ZNF516: variants seen among roughly 807,000 people sequenced by gnomAD.
The protein encoded by ZNF516 is zinc finger protein 516.
A neutral mutation model predicts 79.7 loss-of-function variants in ZNF516; 19 were observed. That is an observed-to-expected ratio of 0.24 (90% CI 0.17 to 0.35). The LOEUF is 0.35. ZNF516 is among the 10% of genes least tolerant of loss of function. The pLI, the probability that ZNF516 is intolerant of heterozygous loss-of-function variation, is 1.00. For missense variants in ZNF516, 1,678 were observed against 1,679.5 expected, an observed-to-expected ratio of 1.00 and a Z score of 0.02; for synonymous variants, 877 against 739.5, an observed-to-expected ratio of 1.19 and a Z score of -3.02.
At chr18:76,495,286 G>A (rs1915437241), upstream of ZNF516, 1 of 144,730 alleles carries the variant, frequency 6.9e-6, no homozygotes, top group Non-Finnish European at 1.5e-5. Context: ...GGACGCGCGA[G>A]GGCGCGCGGG....
intron 3 of ZNF516, among the ~76,000 whole-genome samples, chr18:76,432,918 C>T (rs146268967): frequency 6.6e-6 from 1 of 152,352 alleles, no homozygotes; most frequent in African/African-American, 2.4e-5. Context: ...GGCTCTAACA[C>T]GAGGCGTGTA....
At chr18:76,489,691 G>A (rs922374822) in intron 1 of ZNF516, among the ~76,000 whole-genome samples, 14 of 152,044 alleles carry the variant, frequency 9.2e-5, no homozygotes, top group Admixed American at 2.0e-4. Context: ...AGATAACAAT[G>A]GGAAAACATT....
chr18:76,422,765 G>A (rs975856733), intron 3 of ZNF516, among the ~76,000 whole-genome samples: 1 of 152,066 alleles, frequency 6.6e-6, no homozygotes, highest in South Asian at 2.1e-4. Flanking sequence ...TGGAGGATAG[G>A]ACAAGCAGAA....
In ZNF516 at chr18:76,441,914, G is replaced by T; in HGVS notation, c.1141C>A (p.Gln381Lys). ...EGAEGPSDTK[Q>K]FFLQCLNLRP... ...AGGTTCAGGCACTGGAGGAAGAACTGCTTGGTGTCCGAGGGCCCCTCCGCC... is the reference window on the plus strand; with the variant it reads ...AGGTTCAGGCACTGGAGGAAGAACTTCTTGGTGTCCGAGGGCCCCTCCGCC... The change falls in exon 3 of 7, where the codon CAG becomes AAG. Residue 381 changes from glutamine (Q) to lysine (K), a missense_variant. Physicochemically the swap from Gln to Lys is moderately conservative, Grantham distance 53 (BLOSUM62 1). Transcript: ENST00000443185. 10 of 1,604,210 alleles carry T rather than the reference G, an allele frequency of 6.2e-6. No individual in the cohort carries two copies. The South Asian group carries it at 1.1e-4, about 18-fold the overall frequency.
chr18:76,359,856 CTAAA>C lies in ZNF516; in HGVS notation c.*2638_*2641del, dbSNP rs927587639. 21 of 152,156 alleles carry C rather than the reference CTAAA, an allele frequency of 1.4e-4. No homozygotes were observed. The highest frequency in any genetic ancestry group is 2.8e-4 in the Non-Finnish European group (19 of 68,016). The allele number at this position is 152,156 out of a possible 1,614,324, so 9.4% of individuals were successfully genotyped here. ...AAAAAAAAGGCAATCAAAACGGTGG[CTAAA>C]TAAATAAGGAAACACAAATCATATT... On this transcript the variant is annotated 3_prime_UTR_variant, in exon 7 of 7. Coordinates refer to ENST00000443185, the MANE Select transcript of ZNF516 (RefSeq NM_014643.4).
At chr18:76,474,915 T>C (rs1025410196) in intron 1 of ZNF516, among the ~76,000 whole-genome samples, 2 of 152,178 alleles carry the variant, frequency 1.3e-5, no homozygotes, top group African/African-American at 4.8e-5. Flanking sequence ...AATCTAACTG[T>C]CCAAAATTCA....
chr18:76,408,790 C>T (rs1387496245), intron 3 of ZNF516, among the ~76,000 whole-genome samples: 2 of 152,236 alleles, frequency 1.3e-5, no homozygotes, highest in African/African-American at 4.8e-5. Context: ...AGTAATGTAT[C>T]ACCCTCAGTC....
chr18:76,411,439 C>T (rs1482212885), intron 3 of ZNF516, among the ~76,000 whole-genome samples: 1 of 152,202 alleles, frequency 6.6e-6, no homozygotes, highest in Non-Finnish European at 1.5e-5. Context: ...TATTTCTTAA[C>T]CACAGGTAAT....
chr18:76,429,622 C>T (rs926415189), intron 3 of ZNF516, among the ~76,000 whole-genome samples: 2 of 152,186 alleles, frequency 1.3e-5, no homozygotes, highest in Admixed American at 6.5e-5. Flanking sequence ...GTCCCCATTC[C>T]AGACACGCCC....
At chr18:76,495,731 C>T (rs1915457184), upstream of ZNF516, 1 of 1,175,612 alleles carries the variant, frequency 8.5e-7, no homozygotes, top group Non-Finnish European at 1.1e-6. Context: ...CCGGCGGGTA[C>T]CTGGGCACTG....
chr18:76,491,098 C>A, intron 1 of ZNF516: 2 of 984,936 alleles, frequency 2.0e-6, no homozygotes, highest in Non-Finnish European at 2.4e-6. Context: ...CGGGGCCACG[C>A]CTTTCCCACC....
At chr18:76,494,789 G>A (rs966658149) in intron 1 of ZNF516, among the ~76,000 whole-genome samples, 87 of 151,606 alleles carry the variant, frequency 5.7e-4, no homozygotes, top group African/African-American at 2.1e-3. Context: ...CCCTCCTCCC[G>A]CGTCGCCTTT....
chr18:76,403,030 C>T (rs2075252505), intron 3 of ZNF516, among the ~76,000 whole-genome samples: 1 of 152,274 alleles, frequency 6.6e-6, no homozygotes, highest in Non-Finnish European at 1.5e-5. Flanking sequence ...GCTGCTGAGC[C>T]ACCTGCCTGC....
chr18:76,492,053 C>T (rs1346670929), intron 1 of ZNF516: 4 of 616,406 alleles, frequency 6.5e-6, no homozygotes, highest in African/African-American at 6.0e-5. Flanking sequence ...GCCTGGTGGC[C>T]GGGCACACCC....
chr18:76,384,152 A>G (rs958845248), intron 3 of ZNF516, among the ~76,000 whole-genome samples: 7 of 152,112 alleles, frequency 4.6e-5, no homozygotes, highest in African/African-American at 1.7e-4. Flanking sequence ...CATCTACTGC[A>G]CACGCGAGGT....
At chr18:76,455,620 C>T (rs1005687189) in intron 2 of ZNF516, among the ~76,000 whole-genome samples, 2 of 152,232 alleles carry the variant, frequency 1.3e-5, no homozygotes, top group Non-Finnish European at 2.9e-5. Flanking sequence ...GATACTATCA[C>T]ATCTGATTCA....
rs1311845623 is a variant in ZNF516, at chr18:76,443,085, C to T, written c.-31G>A. The T allele has an allele frequency of 4.5e-6, 7 of 1,550,452 alleles. No homozygotes were observed. The South Asian group carries it at 7.0e-5, about 15-fold the overall frequency. On this transcript the variant is annotated 5_prime_UTR_variant, in exon 3 of 7. Coordinates refer to ENST00000443185, the MANE Select transcript of ZNF516 (RefSeq NM_014643.4). Reference sequence around the variant, plus strand: ...GGACGGGCGCGGCCGGTGGTGGCGGCACAGCTTTCTGTCGCGCGGGCTGCA... The same window carrying T: ...GGACGGGCGCGGCCGGTGGTGGCGGTACAGCTTTCTGTCGCGCGGGCTGCA...
At chr18:76,481,090 T>C (rs981751249) in intron 1 of ZNF516, among the ~76,000 whole-genome samples, 29 of 152,166 alleles carry the variant, frequency 1.9e-4, no homozygotes, top group African/African-American at 6.5e-4. Flanking sequence ...TCAAGCCCCC[T>C]CTGGGCTTCA....
intron 3 of ZNF516, among the ~76,000 whole-genome samples, chr18:76,402,318 C>A (rs538509568): frequency 1.3e-5 from 2 of 152,158 alleles, no homozygotes; most frequent in Non-Finnish European, 2.9e-5. Context: ...GGTGCCCTCC[C>A]GTAACCTCCC....
Sources: allele counts gnomAD v4.1 joint callset (sites outside exome capture counted in the v4.1 genomes callset), GRCh38; gene constraint gnomAD v4.1.1; transcripts MANE v1.5; gene names NCBI Gene and HGNC (gene_info 2026-07-23, HGNC 2026-07-21).